The following SSX2IP variants were observed in gnomAD, a reference collection of about 807,000 sequenced individuals.
SSX2IP encodes SSX family member 2 interacting protein, also known as afadin- and alpha-actinin-binding protein.
A neutral mutation model predicts 84.9 loss-of-function variants in SSX2IP; 55 were observed. The observed-to-expected ratio is 0.65, with a 90% confidence interval of 0.52 to 0.81. SSX2IP has a LOEUF of 0.81. SSX2IP is among the 30% of genes least tolerant of loss of function. The probability of loss-of-function intolerance (pLI) is 0.00; values close to 1 mark genes in which losing one functional copy is unlikely to be tolerated. For missense variants in SSX2IP, 664 were observed against 705.2 expected (o/e 0.94, Z 0.66); for synonymous variants, 239 against 234.7 (o/e 1.02, Z -0.17).
chr1:84,677,651 T>G (rs767043720), intron 1 of SSX2IP, among the ~76,000 whole-genome samples: 22 of 152,110 alleles, frequency 1.4e-4, no homozygotes, highest in Non-Finnish European at 1.6e-4. Flanking sequence ...GTGGCTTCCA[T>G]TTAAGGTTGT....
At position 84,645,296 on chromosome 1, in the gene SSX2IP, T is replaced by TG. The variant is rs1314520332; in HGVS notation, c.*2136dup. ...TCCAGCATTCTGAGATTAGGGTGAT[T>TG]GGGGATCATTCTGGAGTTGGAATGT... On this transcript the variant is annotated 3_prime_UTR_variant, in exon 14 of 14. Transcript: ENST00000342203. 1.3e-5 allele frequency: 2 copies of TG among 152,164 alleles called. No homozygotes were observed. Among genetic ancestry groups the TG allele is most frequent in the African/African-American group, 4.8e-5 (2 of 41,438 alleles). 9.4% of individuals were successfully genotyped at this position (152,164 alleles called of 1,614,324 possible). A position where few individuals can be genotyped will look rare whatever the true frequency, so the allele number is the denominator to read the frequency against.
intron 1 of SSX2IP, among the ~76,000 whole-genome samples, chr1:84,678,686 C>T (rs1426953594): frequency 2.0e-5 from 3 of 152,300 alleles, no homozygotes; most frequent in Middle Eastern, 3.4e-3. Flanking sequence ...AAGAGTCAAT[C>T]CTTTACAGAA....
At position 84,647,430 on chromosome 1, in the gene SSX2IP, T is replaced by A. The variant is rs771049547; in HGVS notation, c.*3A>T. On this transcript the variant is annotated 3_prime_UTR_variant, in exon 14 of 14. Coordinates refer to ENST00000342203, the MANE Select transcript of SSX2IP (RefSeq NM_001166293.2). Reference sequence around the variant, plus strand: ...TTAATGAAAAAAATTCCAGTCCACATGTCTAAGGTAAGTCATCTTTTTCTA... The same window carrying A: ...TTAATGAAAAAAATTCCAGTCCACAAGTCTAAGGTAAGTCATCTTTTTCTA... 1 of 1,578,974 alleles carries A rather than the reference T, an allele frequency of 6.3e-7. No individual in the cohort carries two copies. Among genetic ancestry groups the A allele is most frequent in the South Asian group, 1.2e-5 (1 of 85,474 alleles).
At chr1:84,647,657 G>C (rs770064741) in intron 13 of SSX2IP, 50 bp from the exon 14 acceptor site, 1 of 1,329,286 alleles carries the variant, frequency 7.5e-7, no homozygotes, top group Non-Finnish European at 9.9e-7. Flanking sequence ...TCCTTCTTTT[G>C]TACTTTAACC....
chr1:84,655,722 A>G (rs534207226), intron 11 of SSX2IP, 110 bp downstream of exon 11: 4 of 1,429,598 alleles, frequency 2.8e-6, no homozygotes, highest in African/African-American at 2.9e-5. Context: ...TCACCAGTAA[A>G]TATTTTAGAA....
rs1553124869 is a variant in SSX2IP, at chr1:84,650,539, C to A, written c.1505-12G>T. 4 of 1,613,676 alleles carry A rather than the reference C, an allele frequency of 2.5e-6. No individual in the cohort carries two copies. In the Admixed American group the frequency reaches 6.7e-5, roughly 27 times the overall value. ...GTCCCAATCAGAACCTGTTGTAAAA[C>A]AAGTAAGAGAAAAAGGCAGTACATA... On this transcript the variant is annotated splice_polypyrimidine_tract_variant and intron_variant, in intron 12 of 13. Transcript: ENST00000342203.
chr1:84,649,935 C>G, intron 13 of SSX2IP: 1 of 545,338 alleles, frequency 1.8e-6, no homozygotes, highest in Non-Finnish European at 3.6e-6. Context: ...ACAGGCTTTT[C>G]TCAGTTCTTT....
At chr1:84,685,224 C>A (rs1156421911) in intron 1 of SSX2IP, among the ~76,000 whole-genome samples, 1 of 152,218 alleles carries the variant, frequency 6.6e-6, no homozygotes, top group African/African-American at 2.4e-5. Flanking sequence ...GGCCTTACTG[C>A]CAACTCAGGG....
rs1057746 is a variant in SSX2IP at position 84,647,546 on chromosome 1, A to G, written c.1732T>C (p.Cys578Arg). ...EIKPNQVGGE[C>R]TNQKWSVASR... ...GCCACACTCCATTTTTGATTTGTAC[A>G]TTCTCCTCCAACCTGATTTGGTTTA... Residue 578 changes from cysteine (C) to arginine (R), a missense_variant, in exon 14 of 14, where the codon TGT becomes CGT. By Grantham distance (180) the Cys-to-Arg change is radical. Transcript: ENST00000342203. 0.61 allele frequency: 984,607 copies of G among 1,610,792 alleles called. 307,952 individuals are homozygous for G. The highest frequency in any genetic ancestry group is 0.75 in the East Asian group (33,464 of 44,718).
chr1:84,670,994 C>CT (rs900583110), intron 2 of SSX2IP, among the ~76,000 whole-genome samples, 179 bp from the exon 3 acceptor site: 2 of 152,016 alleles, frequency 1.3e-5, no homozygotes, highest in African/African-American at 2.4e-5. Flanking sequence ...AAATGATATA[C>CT]TTTTTTTTCC....
intron 1 of SSX2IP, among the ~76,000 whole-genome samples, chr1:84,671,676 C>T (rs1379571926): frequency 6.6e-6 from 1 of 152,028 alleles, no homozygotes; most frequent in African/African-American, 2.4e-5. Flanking sequence ...TTCTTCTTGG[C>T]CAGCATTTTC....
At chr1:84,686,616 A>T (rs1655823093) in intron 1 of SSX2IP, among the ~76,000 whole-genome samples, 1 of 152,178 alleles carries the variant, frequency 6.6e-6, no homozygotes. Flanking sequence ...TCATAAAGAA[A>T]AAAGGGGCAG....
At position 84,655,983 on chromosome 1, in the gene SSX2IP, T is replaced by C; in HGVS notation, c.1238A>G (p.Asp413Gly). The change falls in exon 11 of 14, where the codon GAT becomes GGT. Residue 413 changes from aspartate to glycine, a missense_variant. Asp to Gly is a moderately conservative substitution (Grantham distance 94, BLOSUM62 -1). Transcript: ENST00000342203. ...LLQQQLATAY[D>G]DDTTSLLRDC... ...TCGTAATAGTGAAGTGGTATCATCA[T>C]CATATGCAGTAGCGAGCTGCTGCTA... 2 of 1,613,194 alleles carry C rather than the reference T, an allele frequency of 1.2e-6. No individual in the cohort carries two copies. Among genetic ancestry groups the C allele is most frequent in the Non-Finnish European group, 8.5e-7 (1 of 1,179,826 alleles).
rs1305590969 is a variant in SSX2IP, at chr1:84,644,063, GATA to G, written c.*3367_*3369del. On this transcript the variant is annotated 3_prime_UTR_variant, in exon 14 of 14. Coordinates refer to ENST00000342203, the MANE Select transcript of SSX2IP (RefSeq NM_001166293.2). Reference sequence around the variant, plus strand: ...GTCTTTGGGAATGCTTTTTCTACTAGATAATAATACACGCTCTTGAGGAGAGAA... The same window carrying G: ...GTCTTTGGGAATGCTTTTTCTACTAGATAATACACGCTCTTGAGGAGAGAA... The G allele has an allele frequency of 6.6e-6, 1 of 152,076 alleles. No homozygotes were observed. Among genetic ancestry groups the G allele is most frequent in the East Asian group, 1.9e-4 (1 of 5,192 alleles). 9.4% of individuals were successfully genotyped at this position (152,076 alleles called of 1,614,324 possible). A position where few individuals can be genotyped will look rare whatever the true frequency, so the allele number is the denominator to read the frequency against.
At chr1:84,686,147 G>C (rs964720445) in intron 1 of SSX2IP, among the ~76,000 whole-genome samples, 1 of 152,042 alleles carries the variant, frequency 6.6e-6, no homozygotes, top group Non-Finnish European at 1.5e-5. Context: ...AACTACACAT[G>C]AAGTAACTTA....
chr1:84,666,328 T>C, intron 4 of SSX2IP, 96 bp from the exon 5 acceptor site: 1 of 846,048 alleles, frequency 1.2e-6, no homozygotes, highest in South Asian at 1.5e-5. Context: ...TACATCCTAG[T>C]GTTTATTAGT....
intron 1 of SSX2IP, among the ~76,000 whole-genome samples, chr1:84,686,398 T>A (rs1268741987): frequency 6.6e-6 from 1 of 152,166 alleles, no homozygotes; most frequent in Non-Finnish European, 1.5e-5. Context: ...CATAAAAACC[T>A]GTCTTTGGCA....
chr1:84,664,236 T>A (rs774190137), intron 6 of SSX2IP, among the ~76,000 whole-genome samples, 181 bp downstream of exon 6: 1 of 152,180 alleles, frequency 6.6e-6, no homozygotes, highest in Non-Finnish European at 1.5e-5. Context: ...CAAGGCAGAA[T>A]GACTTACTTT....
intron 8 of SSX2IP, among the ~76,000 whole-genome samples, chr1:84,660,737 C>G (rs1276704850): frequency 6.6e-6 from 1 of 151,718 alleles, no homozygotes; most frequent in Non-Finnish European, 1.5e-5. Context: ...TGGACTCCAG[C>G]CTGGGCAACA....
Sources: allele counts gnomAD v4.1 joint callset (sites outside exome capture counted in the v4.1 genomes callset), GRCh38; gene constraint gnomAD v4.1.1; transcripts MANE v1.5; gene names NCBI Gene and HGNC (gene_info 2026-07-23, HGNC 2026-07-21).